Variants in RIMKLB observed in about 807,000 individuals in gnomAD.
RIMKLB encodes ribosomal modification protein rimK like family member B, also known as beta-citrylglutamate synthase B.
A neutral mutation model predicts 32.0 loss-of-function variants in RIMKLB; 7 were observed. The ratio of observed to expected loss-of-function variants is 0.22; its 90% CI spans 0.12 to 0.41. RIMKLB has a LOEUF of 0.41. RIMKLB is among the 10% of genes least tolerant of loss of function. The pLI is 1.00. For missense variants in RIMKLB, 289 were observed against 498.7 expected, an observed-to-expected ratio of 0.58 and a Z score of 4.00; for synonymous variants, 172 against 185.1, an observed-to-expected ratio of 0.93 and a Z score of 0.57.
chr12:8,782,021 CCTTTTTTCCTTGAGACAGGGTCTCACT>C (rs1951095758), downstream of RIMKLB, among the ~76,000 whole-genome samples: 1 of 143,604 alleles, frequency 7.0e-6, no homozygotes, highest in South Asian at 2.2e-4. Context: ...TTTTTTTTTT[CCTTTTTTCCTTGAGACAGGGTCTCACT>C]CTTTCTCTAC....
chr12:8,673,694 C>T, the RIMKLB span, among the ~76,000 whole-genome samples: 1 of 151,826 alleles, frequency 6.6e-6, no homozygotes, highest in African/African-American at 2.4e-5. Context: ...CTCCCAGGTT[C>T]AAGAAATTCT....
intron 5 of RIMKLB, among the ~76,000 whole-genome samples, chr12:8,767,739 G>T (rs1269467203): frequency 6.6e-6 from 1 of 152,122 alleles, no homozygotes; most frequent in Non-Finnish European, 1.5e-5. Flanking sequence ...CTGGTTCCAG[G>T]CAGACCAACG....
chr12:8,680,353 GT>G (rs1942384894), upstream of RIMKLB, among the ~76,000 whole-genome samples: 1 of 152,072 alleles, frequency 6.6e-6, no homozygotes, highest in African/African-American at 2.4e-5. Flanking sequence ...TAGAGACGGG[GT>G]TTCACCATGT....
chr12:8,733,619 T>A (rs1261209299), intron 2 of RIMKLB, among the ~76,000 whole-genome samples: 1 of 152,220 alleles, frequency 6.6e-6, no homozygotes, highest in East Asian at 1.9e-4. Context: ...ACGCCTGTAA[T>A]CCCAGCACTT....
intron 1 of RIMKLB, among the ~76,000 whole-genome samples, chr12:8,688,887 T>C (rs1039607091): frequency 1.7e-4 from 26 of 152,222 alleles, no homozygotes; most frequent in African/African-American, 6.3e-4. Flanking sequence ...CAGGCTGAAG[T>C]GCAGTGGCAC....
At chr12:8,704,337 C>T (rs1943660914) in intron 1 of RIMKLB, among the ~76,000 whole-genome samples, 1 of 151,226 alleles carries the variant, frequency 6.6e-6, no homozygotes, top group African/African-American at 2.4e-5. Context: ...GAGCCAAGAT[C>T]ACACCATTGC....
upstream of RIMKLB, among the ~76,000 whole-genome samples, chr12:8,676,688 C>T (rs192581840): frequency 3.3e-5 from 5 of 151,990 alleles, no homozygotes; most frequent in African/African-American, 1.2e-4. Context: ...TGTGAGCGAC[C>T]ACATGCAGCC....
intron 1 of RIMKLB, chr12:8,700,485 G>C (rs1943292012): frequency 6.6e-6 from 1 of 152,318 alleles, no homozygotes; most frequent in Non-Finnish European, 1.5e-5. Flanking sequence ...TGGGAAGCAG[G>C]AGTAGCTTTT....
chr12:8,762,484 T>G (rs1431419227), intron 5 of RIMKLB, among the ~76,000 whole-genome samples: 1 of 151,966 alleles, frequency 6.6e-6, no homozygotes, highest in African/African-American at 2.4e-5. Flanking sequence ...TACTTCCCTT[T>G]CCTTTTCTTT....
At chr12:8,705,401 C>T (rs752369274) in intron 1 of RIMKLB, among the ~76,000 whole-genome samples, 1 of 150,748 alleles carries the variant, frequency 6.6e-6, no homozygotes, top group South Asian at 2.1e-4. Context: ...CGCTTGAACC[C>T]GGGAGGCAGA....
At chr12:8,768,137 G>T (rs778352946) in intron 5 of RIMKLB, among the ~76,000 whole-genome samples, 1 of 152,322 alleles carries the variant, frequency 6.6e-6, no homozygotes, top group Non-Finnish European at 1.5e-5. Context: ...ATGGGTCACG[G>T]AAGAGAACTG....
At chr12:8,717,444 C>G (rs1464019658) in intron 2 of RIMKLB, among the ~76,000 whole-genome samples, 1 of 150,742 alleles carries the variant, frequency 6.6e-6, no homozygotes, top group Non-Finnish European at 1.5e-5. Flanking sequence ...TTTTTTTTTC[C>G]CTCATTGCCT....
chr12:8,770,077 A>G (rs1393970175), intron 5 of RIMKLB, among the ~76,000 whole-genome samples: 1 of 151,082 alleles, frequency 6.6e-6, no homozygotes, highest in Non-Finnish European at 1.5e-5. Flanking sequence ...GGTTAAAGTG[A>G]TTCTCCTATC....
upstream of RIMKLB, among the ~76,000 whole-genome samples, chr12:8,695,574 T>A (rs957356676): frequency 4.6e-5 from 7 of 152,336 alleles, no homozygotes; most frequent in South Asian, 2.1e-4. Flanking sequence ...TGGCTTTTTT[T>A]AAATACCCTC....
rs1338198279 is a variant in RIMKLB, at chr12:8,748,554, G to GCA, written c.176-1308_176-1307insCA. ...TGTGTGTGTGTGTGTGTGTGTGTGT[G>GCA]TGTGCATATATATATATACACAAAA... On this transcript the variant is annotated intron_variant, in intron 2 of 5. Coordinates refer to ENST00000535829, the MANE Select transcript of RIMKLB (RefSeq NM_001297776.2). 1.1e-3 allele frequency among the ~76,000 whole-genome samples: 125 copies of GCA among 109,534 alleles called. 1 individual carries two copies. Among genetic ancestry groups the GCA allele is most frequent in the African/African-American group, 3.5e-3 (120 of 33,964 alleles). 71.9% of individuals were successfully genotyped at this position (109,534 alleles called of 152,430 possible).
At chr12:8,777,615 TACAA>T (rs777445293), downstream of RIMKLB, 68 of 1,288,770 alleles carry the variant, frequency 5.3e-5, no homozygotes, top group Middle Eastern at 2.1e-4. Context: ...AAAAAACAAA[TACAA>T]ACAAACAAAA....
chr12:8,685,478 G>A (rs911278857), intron 1 of RIMKLB, among the ~76,000 whole-genome samples: 6 of 152,206 alleles, frequency 3.9e-5, no homozygotes, highest in South Asian at 2.1e-4. Flanking sequence ...CTGTTGATGC[G>A]ATGGATTGCA....
At position 8,775,342 on chromosome 12, in the gene RIMKLB, GC is replaced by G; in HGVS notation, c.*1563del. The G allele has an allele frequency of 1.0e-6, 1 of 985,318 alleles. No homozygotes were observed. Among genetic ancestry groups the G allele is most frequent in the Non-Finnish European group, 1.2e-6 (1 of 829,838 alleles). The allele number at this position is 985,318 out of a possible 1,614,324, so 61.0% of individuals were successfully genotyped here. On this transcript the variant is annotated 3_prime_UTR_variant, in exon 6 of 6. Transcript: ENST00000535829. ...TCCTTTACTTGCAGAATTTATAAAA[GC>G]CCCCAAACTGCATATAATATGAGCC...
chr12:8,696,166 A>AT (rs1321560060), upstream of RIMKLB, among the ~76,000 whole-genome samples: 1 of 151,834 alleles, frequency 6.6e-6, no homozygotes, highest in Non-Finnish European at 1.5e-5. Flanking sequence ...TCCTCTGTAC[A>AT]TTTTTTTCCC....
Sources: gnomAD v4.1 joint callset for allele counts (sites outside exome capture counted in the v4.1 genomes callset) on GRCh38, gnomAD v4.1.1 for gene constraint, MANE v1.5 for transcripts, NCBI Gene and HGNC (gene_info 2026-07-23, HGNC 2026-07-21) for gene names.